Variants in ZFHX3 observed in about 807,000 individuals in gnomAD.
The protein encoded by ZFHX3 is zinc finger homeobox protein 3.
In ZFHX3, 42 loss-of-function variants were observed where a neutral mutation model predicts 279.1. That is an observed-to-expected ratio of 0.15 (90% CI 0.12 to 0.19). ZFHX3 has a LOEUF of 0.19. ZFHX3 is among the 10% of genes least tolerant of loss of function. ZFHX3 has a pLI of 1.00. For synonymous variants in ZFHX3, 2,293 were observed against 1,957.8 expected, an observed-to-expected ratio of 1.17 and a Z score of -4.52; for missense variants, 4,981 against 4,754.0, an observed-to-expected ratio of 1.05 and a Z score of -1.40.
chr16:73,437,077 G>C (rs1597335324), intron 3 of ZFHX3, among the ~76,000 whole-genome samples: 1 of 152,198 alleles, frequency 6.6e-6, no homozygotes, highest in African/African-American at 2.4e-5. Flanking sequence ...CTGATGTGTA[G>C]GAAGCACACG....
At chr16:73,648,841 C>T (rs1017847541) in intron 2 of ZFHX3, among the ~76,000 whole-genome samples, 1 of 152,184 alleles carries the variant, frequency 6.6e-6, no homozygotes, top group African/African-American at 2.4e-5. Flanking sequence ...CACCAATCAG[C>T]TCTTTTCCTT....
At chr16:73,194,746 T>A (rs1968108456) in intron 5 of ZFHX3, among the ~76,000 whole-genome samples, 1 of 152,218 alleles carries the variant, frequency 6.6e-6, no homozygotes, top group East Asian at 1.9e-4. Flanking sequence ...TCTGAGAGAA[T>A]CCTGGAGAAA....
chr16:73,068,959 C>T (rs1228531770), intron 8 of ZFHX3, among the ~76,000 whole-genome samples: 9 of 152,214 alleles, frequency 5.9e-5, no homozygotes, highest in African/African-American at 2.2e-4. Context: ...ATGCGCACTG[C>T]GGGTACTGAC....
intron 4 of ZFHX3, among the ~76,000 whole-genome samples, chr16:72,880,796 A>T (rs753112942): frequency 3.7e-4 from 56 of 152,238 alleles, no homozygotes; most frequent in Non-Finnish European, 6.8e-4. Context: ...GTCTCAAGAT[A>T]GTCTTGAGGC....
intron 1 of ZFHX3, among the ~76,000 whole-genome samples, chr16:73,868,855 T>C (rs954122431): frequency 1.3e-5 from 2 of 152,180 alleles, no homozygotes; most frequent in African/African-American, 4.8e-5. Flanking sequence ...GTCAATACTC[T>C]GCATGATCAA....
chr16:73,677,055 G>A (rs1406833963), intron 2 of ZFHX3, among the ~76,000 whole-genome samples: 1 of 151,948 alleles, frequency 6.6e-6, no homozygotes, highest in Non-Finnish European at 1.5e-5. Flanking sequence ...ATACAGTGGA[G>A]CTTTATAATT....
chr16:73,196,329 A>G (rs1968149036), intron 5 of ZFHX3, among the ~76,000 whole-genome samples: 1 of 151,930 alleles, frequency 6.6e-6, no homozygotes, highest in African/African-American at 2.4e-5. Flanking sequence ...CTGCAATAGG[A>G]GTGCGCAGAA....
At chr16:73,382,944 T>A (rs573257508) in intron 3 of ZFHX3, among the ~76,000 whole-genome samples, 1 of 152,132 alleles carries the variant, frequency 6.6e-6, no homozygotes, top group Admixed American at 6.5e-5. Flanking sequence ...CAAGAAGACC[T>A]GTTGCAGTCT....
intron 2 of ZFHX3, among the ~76,000 whole-genome samples, chr16:73,458,560 A>G (rs936438621): frequency 2.0e-5 from 3 of 151,866 alleles, no homozygotes; most frequent in Non-Finnish European, 4.4e-5. Flanking sequence ...ATTTCACCAT[A>G]TTGGCCAGGC....
At position 73,296,875 on chromosome 16, in the gene ZFHX3, G is replaced by A. The variant is rs907249814; in HGVS notation, c.-1194+21365C>T. 2.4e-5 allele frequency among the ~76,000 whole-genome samples: 2 copies of A among 81,838 alleles called. 1 individual carries two copies. Among genetic ancestry groups the A allele is most frequent in the African/African-American group, 1.2e-4 (2 of 16,486 alleles). The allele number at this position is 81,838 out of a possible 152,430, so 53.7% of individuals were successfully genotyped here. On this transcript the variant is annotated intron_variant, in intron 4 of 17. Transcript: ENST00000641206. ...ACTTTATAATTGCCATGTGAAGCAG[G>A]AATTTTTTTTTTTTTTTTTTTGAGA...
intron 2 of ZFHX3, among the ~76,000 whole-genome samples, chr16:73,584,519 A>G (rs1368682170): frequency 6.6e-6 from 1 of 152,234 alleles, no homozygotes; most frequent in East Asian, 1.9e-4. Context: ...TTCAACAGAT[A>G]GTGGGGAAAA....
At chr16:72,903,922 C>T (rs1181785747) in intron 3 of ZFHX3, among the ~76,000 whole-genome samples, 1 of 152,212 alleles carries the variant, frequency 6.6e-6, no homozygotes, top group Non-Finnish European at 1.5e-5. Flanking sequence ...ATCGCTTCCT[C>T]CTCTGGGCCC....
At chr16:73,882,225 T>C (rs2030190636) in intron 1 of ZFHX3, among the ~76,000 whole-genome samples, 1 of 152,114 alleles carries the variant, frequency 6.6e-6, no homozygotes, top group Non-Finnish European at 1.5e-5. Flanking sequence ...TTAAGGCTTT[T>C]ATGCCCCGAG....
chr16:72,989,925 T>C (rs1417493133), intron 1 of ZFHX3, among the ~76,000 whole-genome samples: 1 of 152,218 alleles, frequency 6.6e-6, no homozygotes, highest in African/African-American at 2.4e-5. Flanking sequence ...TGCACAGGCC[T>C]GGGGCTCCTC....
intron 3 of ZFHX3, among the ~76,000 whole-genome samples, chr16:72,945,643 G>C (rs1267253268): frequency 2.0e-5 from 3 of 152,110 alleles, no homozygotes; most frequent in Admixed American, 1.3e-4. Flanking sequence ...GGGAGAGAAG[G>C]TGGCAGAAGT....
At chr16:73,571,832 A>G (rs1185845114) in intron 2 of ZFHX3, among the ~76,000 whole-genome samples, 4 of 152,232 alleles carry the variant, frequency 2.6e-5, no homozygotes, top group Non-Finnish European at 5.9e-5. Flanking sequence ...AATTGAGTGT[A>G]GAAGGGCATT....
At chr16:73,543,977 G>C (rs145603881) in intron 2 of ZFHX3, 1 of 152,222 alleles carries the variant, frequency 6.6e-6, no homozygotes, top group Non-Finnish European at 1.5e-5. Context: ...GGGAGATAGA[G>C]CGAAAAAGGA....
intron 1 of ZFHX3, among the ~76,000 whole-genome samples, chr16:73,855,216 CTTTTTTT>C (rs1032892286): frequency 1.8e-5 from 2 of 111,494 alleles, no homozygotes; most frequent in East Asian, 2.9e-4. Context: ...AGGCGTTAGC[CTTTTTTT>C]TTTTTTTTTT....
chr16:73,012,519 G>C (rs1963950029), intron 1 of ZFHX3, among the ~76,000 whole-genome samples: 2 of 152,096 alleles, frequency 1.3e-5, no homozygotes, highest in South Asian at 4.2e-4. Context: ...TGTAGGGAGG[G>C]GCCCAAGCCC....
Sources: allele counts gnomAD v4.1 joint callset (sites outside exome capture counted in the v4.1 genomes callset), GRCh38; gene constraint gnomAD v4.1.1; transcripts MANE v1.5; gene names NCBI Gene and HGNC (gene_info 2026-07-23, HGNC 2026-07-21).